Variants in FSTL5 observed in about 807,000 individuals in gnomAD.
The protein encoded by FSTL5 is follistatin like 5.
Under a neutral mutation model 89.1 loss-of-function variants are expected in FSTL5, and 62 were observed. The ratio of observed to expected loss-of-function variants is 0.70; its 90% CI spans 0.57 to 0.86. The LOEUF (loss-of-function observed/expected upper bound fraction) is 0.86. Among genes scored for constraint, FSTL5 ranks in the 40% least tolerant of loss-of-function variants. FSTL5 has a pLI of 0.00. For synonymous variants in FSTL5, 383 were observed against 346.2 expected, an observed-to-expected ratio of 1.11 and a Z score of -1.18; for missense variants, 1,057 against 1,001.6, an observed-to-expected ratio of 1.06 and a Z score of -0.75.
intron 6 of FSTL5, among the ~76,000 whole-genome samples, chr4:161,753,402 T>C (rs959205224): frequency 9.2e-5 from 14 of 152,202 alleles, no homozygotes; most frequent in African/African-American, 3.4e-4. Context: ...GTCATGTATA[T>C]GTAATCACTC....
chr4:162,050,488 T>G (rs1738343728), intron 2 of FSTL5, among the ~76,000 whole-genome samples: 1 of 150,194 alleles, frequency 6.7e-6, no homozygotes, highest in Non-Finnish European at 1.5e-5. Context: ...CTGAACTATT[T>G]CTATTTAAAT....
intron 15 of FSTL5, among the ~76,000 whole-genome samples, chr4:161,409,411 T>A (rs1731510393): frequency 6.6e-6 from 1 of 151,818 alleles, no homozygotes; most frequent in Non-Finnish European, 1.5e-5. Context: ...TGAGATGGAG[T>A]CTTGCTCTGT....
intron 8 of FSTL5, among the ~76,000 whole-genome samples, chr4:161,545,937 A>G (rs1174012844): frequency 1.3e-5 from 2 of 152,010 alleles, no homozygotes; most frequent in Middle Eastern, 3.2e-3. Flanking sequence ...CAAGTTTTAA[A>G]AAGCCACAAA....
At chr4:161,811,913 A>C (rs1265729614) in intron 4 of FSTL5, among the ~76,000 whole-genome samples, 3 of 152,190 alleles carry the variant, frequency 2.0e-5, no homozygotes, top group Non-Finnish European at 4.4e-5. Flanking sequence ...GAATGTTCCG[A>C]GGATCGCTAT....
chr4:162,058,279 AGG>A (rs1738615740), intron 2 of FSTL5, among the ~76,000 whole-genome samples: 3 of 152,206 alleles, frequency 2.0e-5, no homozygotes, highest in Middle Eastern at 6.8e-3. Flanking sequence ...TGGGAATAGA[AGG>A]TTTCAACTGG....
chr4:161,415,351 G>A (rs1731735596), intron 15 of FSTL5, among the ~76,000 whole-genome samples: 1 of 152,044 alleles, frequency 6.6e-6, no homozygotes, highest in Admixed American at 6.6e-5. Flanking sequence ...TGCCTCCCGG[G>A]TTCAAGTGAT....
At chr4:161,479,423 A>T (rs1729420738) in intron 13 of FSTL5, among the ~76,000 whole-genome samples, 1 of 152,098 alleles carries the variant, frequency 6.6e-6, no homozygotes, top group Non-Finnish European at 1.5e-5. Context: ...ATATTCAGAG[A>T]GTATAGTTCT....
At chr4:161,866,561 G>T (rs1192396498) in intron 4 of FSTL5, among the ~76,000 whole-genome samples, 1 of 148,786 alleles carries the variant, frequency 6.7e-6, no homozygotes, top group Non-Finnish European at 1.5e-5. Context: ...TTTTACTACA[G>T]TATCAACTCT....
rs188168947 is a variant in FSTL5 at position 161,738,326 on chromosome 4, A to C, written c.727+21085T>G. 1.6e-3 allele frequency among the ~76,000 whole-genome samples: 251 copies of C among 152,200 alleles called. 3 individuals carry two copies. The highest frequency in any genetic ancestry group is 6.8e-3 in the Middle Eastern group (2 of 294). On this transcript the variant is annotated intron_variant, in intron 6 of 15. Coordinates refer to ENST00000306100, the MANE Select transcript of FSTL5 (RefSeq NM_020116.5). Reference sequence around the variant, plus strand: ...ACCATCTTATGGTGCTGGCTTAAGAAGCCTAGAAAGCCTTTACAATACATA... The same window carrying C: ...ACCATCTTATGGTGCTGGCTTAAGACGCCTAGAAAGCCTTTACAATACATA...
chr4:162,081,793 TTCTCTCTCTCTCTCTCTC>T lies in FSTL5; in HGVS notation c.126+29460_126+29477del, dbSNP rs5863514. Among the ~76,000 whole-genome samples, 357 of 148,628 alleles carry T rather than the reference TTCTCTCTCTCTCTCTCTC, an allele frequency of 2.4e-3. 3 individuals carry two copies. Among genetic ancestry groups the T allele is most frequent in the African/African-American group, 8.3e-3 (336 of 40,726 alleles). On this transcript the variant is annotated intron_variant, in intron 2 of 15. Transcript: ENST00000306100. ...ACCAGAAAGAAAATTAGAAAACTGC[TTCTCTCTCTCTCTCTCTC>T]TCTCTCTCACACACACACACCTTCT...
intron 3 of FSTL5, among the ~76,000 whole-genome samples, chr4:161,941,832 T>C (rs989105769): frequency 7.9e-5 from 12 of 151,770 alleles, no homozygotes; most frequent in African/African-American, 1.7e-4. Context: ...AACAGCAGAG[T>C]ATGCATTTTT....
chr4:161,893,060 T>C (rs962540461), intron 4 of FSTL5, among the ~76,000 whole-genome samples: 5 of 152,264 alleles, frequency 3.3e-5, no homozygotes, highest in Admixed American at 6.5e-5. Flanking sequence ...GTAAAAAAGA[T>C]GGATGCATTT....
intron 2 of FSTL5, among the ~76,000 whole-genome samples, chr4:162,081,201 C>CA (rs1730084751): frequency 6.6e-6 from 1 of 151,494 alleles, no homozygotes; most frequent in African/African-American, 2.4e-5. Flanking sequence ...GGGATTTATA[C>CA]AAAATCAGAG....
chr4:161,829,427 CT>C (rs1730774191), intron 4 of FSTL5, among the ~76,000 whole-genome samples: 1 of 149,928 alleles, frequency 6.7e-6, no homozygotes, highest in Non-Finnish European at 1.5e-5. Context: ...AAATAAACCA[CT>C]GGAAAACCAG....
At chr4:161,988,177 A>T (rs1341019996) in intron 3 of FSTL5, among the ~76,000 whole-genome samples, 1 of 151,970 alleles carries the variant, frequency 6.6e-6, no homozygotes, top group East Asian at 1.9e-4. Context: ...GATTTAGAAG[A>T]AGTGCAGGAG....
At chr4:162,030,354 T>C (rs193053621) in intron 3 of FSTL5, among the ~76,000 whole-genome samples, 3 of 152,286 alleles carry the variant, frequency 2.0e-5, no homozygotes, top group South Asian at 4.1e-4. Context: ...TGAAATCTAA[T>C]AGATACTTAT....
intron 4 of FSTL5, among the ~76,000 whole-genome samples, chr4:161,884,569 T>A (rs1460661265): frequency 2.0e-5 from 3 of 152,178 alleles, no homozygotes; most frequent in African/African-American, 7.2e-5. Context: ...CTTTCTATAG[T>A]TATTTACAAA....
intron 3 of FSTL5, among the ~76,000 whole-genome samples, chr4:161,926,865 AGAT>A (rs1165778518): frequency 6.6e-6 from 1 of 151,904 alleles, no homozygotes; most frequent in Non-Finnish European, 1.5e-5. Context: ...GGACTTATTT[AGAT>A]GATAAGTTGG....
chr4:161,532,938 A>G (rs1285946478), intron 10 of FSTL5, among the ~76,000 whole-genome samples: 1 of 152,174 alleles, frequency 6.6e-6, no homozygotes, highest in Non-Finnish European at 1.5e-5. Context: ...TCAAAACAAC[A>G]GAAATACAGA....
Sources: gnomAD v4.1 joint callset for allele counts (sites outside exome capture counted in the v4.1 genomes callset) on GRCh38, gnomAD v4.1.1 for gene constraint, MANE v1.5 for transcripts, NCBI Gene and HGNC (gene_info 2026-07-23, HGNC 2026-07-21) for gene names.